SEC63: variants seen among roughly 807,000 people sequenced by gnomAD.
SEC63 encodes the protein translocation protein SEC63 homolog.
SEC63 carries 56 observed loss-of-function variants against 116.2 expected under a neutral mutation model. The observed-to-expected ratio is 0.48, with a 90% CI of 0.39 to 0.60. SEC63 has a LOEUF of 0.60. Ranked by LOEUF, SEC63 falls within the 20% of genes least tolerant of loss-of-function variation. SEC63 has a pLI of 0.00. For missense variants in SEC63, 668 were observed against 900.0 expected, an observed-to-expected ratio of 0.74 and a Z score of 3.30; for synonymous variants, 273 against 294.6, an observed-to-expected ratio of 0.93 and a Z score of 0.75.
chr6:107,891,731 G>A (rs978181028), intron 16 of SEC63, among the ~76,000 whole-genome samples: 8 of 152,070 alleles, frequency 5.3e-5, no homozygotes, highest in Admixed American at 6.6e-5. Flanking sequence ...AGTGACCTTC[G>A]GATGGGGTCT....
chr6:107,886,446 G>T (rs1052126525), intron 16 of SEC63, among the ~76,000 whole-genome samples: 1 of 152,168 alleles, frequency 6.6e-6, no homozygotes, highest in Non-Finnish European at 1.5e-5. Context: ...ACTTCCACAA[G>T]GGTTGAACTA....
intron 17 of SEC63, among the ~76,000 whole-genome samples, chr6:107,882,057 C>T (rs1206660543): frequency 6.6e-6 from 1 of 152,138 alleles, no homozygotes; most frequent in East Asian, 1.9e-4. Flanking sequence ...TTTTAGTTTC[C>T]TGGCAATCAA....
intron 14 of SEC63, among the ~76,000 whole-genome samples, chr6:107,895,184 A>G (rs909416895): frequency 5.9e-5 from 9 of 152,056 alleles, no homozygotes; most frequent in Non-Finnish European, 4.4e-5. Flanking sequence ...TTTTCTACCA[A>G]TTACTCCAGA....
At chr6:107,872,693 T>C in intron 20 of SEC63, 115 bp downstream of exon 20, 2 of 690,600 alleles carry the variant, frequency 2.9e-6, no homozygotes, top group Non-Finnish European at 5.2e-6. Context: ...ATATAAAGCA[T>C]GAGATGACTT....
chr6:107,919,419 CTGA>C (rs1362884431), intron 4 of SEC63, among the ~76,000 whole-genome samples: 1 of 152,228 alleles, frequency 6.6e-6, no homozygotes, highest in South Asian at 2.1e-4. Context: ...GTATCTATTC[CTGA>C]TGAAGATGCT....
intron 17 of SEC63, among the ~76,000 whole-genome samples, 153 bp downstream of exon 17, chr6:107,882,835 C>T (rs575904004): frequency 2.0e-5 from 3 of 152,162 alleles, no homozygotes; most frequent in Middle Eastern, 3.4e-3. Context: ...TCCTTAAAAA[C>T]GTTCTTCAAA....
chr6:107,932,572 G>A (rs1233182115), intron 1 of SEC63, among the ~76,000 whole-genome samples: 1 of 152,174 alleles, frequency 6.6e-6, no homozygotes, highest in Admixed American at 6.5e-5. Context: ...ATATATTAAA[G>A]ATACCTGGAG....
chr6:107,869,417 C>A lies in SEC63; in HGVS notation c.*2287G>T, dbSNP rs1040000139. 4 of 152,142 alleles carry A rather than the reference C, an allele frequency of 2.6e-5. No individual in the cohort carries two copies. The highest frequency in any genetic ancestry group is 5.9e-5 in the Non-Finnish European group (4 of 68,022). 9.4% of individuals were successfully genotyped at this position (152,142 alleles called of 1,614,324 possible). A position where few individuals can be genotyped will look rare whatever the true frequency, so the allele number is the denominator to read the frequency against. The stretch of plus-strand genomic sequence containing the variant: ...AAAATATCACATAATTTAACTGTTT[C>A]AATTTCACTTCCTATACACTGTATG... On this transcript the variant is annotated 3_prime_UTR_variant, in exon 21 of 21. Coordinates refer to ENST00000369002, the MANE Select transcript of SEC63 (RefSeq NM_007214.5).
intron 1 of SEC63, among the ~76,000 whole-genome samples, chr6:107,930,457 AT>A (rs1255799407): frequency 1.3e-5 from 2 of 151,792 alleles, no homozygotes; most frequent in African/African-American, 4.8e-5. Flanking sequence ...AAAATACAAA[AT>A]TAGCCAGGCG....
chr6:107,902,519 C>T (rs1163002653), intron 12 of SEC63, among the ~76,000 whole-genome samples: 3 of 152,004 alleles, frequency 2.0e-5, no homozygotes, highest in Non-Finnish European at 2.9e-5. Context: ...TAAACAATTG[C>T]CCAACCTTAA....
chr6:107,910,708 T>C (rs9486746), intron 7 of SEC63, among the ~76,000 whole-genome samples: 117,567 of 151,940 alleles, frequency 0.77, 46,676 homozygotes, highest in South Asian at 0.9. Context: ...CATATATACA[T>C]ACACACATAT....
Position 107,904,721 on chromosome 6 carries a change from T to C in SEC63, c.962A>G (p.Asp321Gly). The change falls in exon 11 of 21, where the codon GAT becomes GGT. Residue 321 changes from aspartate to glycine, a missense_variant and splice_region_variant. This residue lies in a region of SEC63 where 430 missense variants were observed against 557.5 expected (regional missense o/e 0.77). Coordinates refer to ENST00000369002, the MANE Select transcript of SEC63 (RefSeq NM_007214.5). ...RMKIPETLEE[D>G]QQFMLKKCPA... ...ACACTTTTTTAGCATGAATTGCTGA[T>C]CTGCAAAACAATAAAAAACCTGAAA... 1 of 1,607,612 alleles carries C rather than the reference T, an allele frequency of 6.2e-7. No individual in the cohort carries two copies. The highest frequency in any genetic ancestry group is 8.5e-7 in the Non-Finnish European group (1 of 1,174,040).
At chr6:107,884,009 G>C (rs748296360) in intron 16 of SEC63, among the ~76,000 whole-genome samples, 1 of 152,004 alleles carries the variant, frequency 6.6e-6, no homozygotes, top group Non-Finnish European at 1.5e-5. Context: ...CAGCACTCTG[G>C]GAGGCCGAGG....
At chr6:107,897,476 G>A (rs1040527822) in intron 14 of SEC63, among the ~76,000 whole-genome samples, 173 bp downstream of exon 14, 2 of 152,044 alleles carry the variant, frequency 1.3e-5, no homozygotes, top group African/African-American at 4.8e-5. Context: ...GGTTTTTTTA[G>A]TGTATGTGAA....
intron 1 of SEC63, among the ~76,000 whole-genome samples, chr6:107,950,077 G>A (rs1009904296): frequency 4.6e-5 from 7 of 152,270 alleles, no homozygotes; most frequent in South Asian, 2.1e-4. Context: ...CAAACAGATT[G>A]AAGGTGAAAG....
chr6:107,882,025 G>C (rs547476857), intron 17 of SEC63, among the ~76,000 whole-genome samples: 1 of 152,248 alleles, frequency 6.6e-6, no homozygotes, highest in Non-Finnish European at 1.5e-5. Context: ...AGTCAGGCCA[G>C]GGATATAATG....
chr6:107,906,365 C>A, intron 10 of SEC63, 83 bp downstream of exon 10: 1 of 1,456,052 alleles, frequency 6.9e-7, no homozygotes, highest in Non-Finnish European at 9.6e-7. Context: ...AATGCGAGAA[C>A]AAACTAATAC....
At chr6:107,952,836 T>G (rs567542736) in intron 1 of SEC63, among the ~76,000 whole-genome samples, 1 of 152,356 alleles carries the variant, frequency 6.6e-6, no homozygotes, top group Non-Finnish European at 1.5e-5. Flanking sequence ...CATGCTTTCA[T>G]GCACATGCTA....
Position 107,893,823 on chromosome 6 carries a change from A to G in SEC63, c.1500+15T>C. ...TTTCACTAGGAAAAATAGGTTCGGA[A>G]ACCCAAGTTTTTACCCCATCTTCTG... On this transcript the variant is annotated intron_variant, in intron 15 of 20. Coordinates refer to ENST00000369002, the MANE Select transcript of SEC63 (RefSeq NM_007214.5). 6.2e-7 allele frequency: 1 copy of G among 1,614,076 alleles called. No homozygotes were observed. Among genetic ancestry groups the G allele is most frequent in the African/African-American group, 1.3e-5 (1 of 75,066 alleles).
Sources: allele counts gnomAD v4.1 joint callset (sites outside exome capture counted in the v4.1 genomes callset), GRCh38; gene constraint gnomAD v4.1.1; regional missense constraint gnomAD v4.1.1; transcripts MANE v1.5; gene names NCBI Gene and HGNC (gene_info 2026-07-23, HGNC 2026-07-21).